Variants in KCNAB1 observed in about 807,000 individuals in gnomAD.
KCNAB1 encodes voltage-gated potassium channel subunit beta-1.
KCNAB1 carries 35 observed loss-of-function variants against 64.6 expected under a neutral mutation model. The observed-to-expected ratio is 0.54, with a 90% CI of 0.41 to 0.72. The LOEUF is 0.72. Among genes scored for constraint, KCNAB1 ranks in the 30% least tolerant of loss-of-function variants. The pLI is 0.00. For synonymous variants in KCNAB1, 177 were observed against 183.8 expected (o/e 0.96, Z 0.30); for missense variants, 401 against 512.9 (o/e 0.78, Z 2.11).
At chr3:156,126,030 G>A (rs1713636868) in intron 1 of KCNAB1, among the ~76,000 whole-genome samples, 1 of 152,160 alleles carries the variant, frequency 6.6e-6, no homozygotes, top group Non-Finnish European at 1.5e-5. Context: ...TTGCAGCCTA[G>A]GAGTAATTGG....
intron 1 of KCNAB1, among the ~76,000 whole-genome samples, chr3:156,213,166 C>T (rs1003871679): frequency 1.3e-5 from 2 of 151,370 alleles, no homozygotes; most frequent in African/African-American, 4.9e-5. Flanking sequence ...TGCCAGTATT[C>T]TCTTAGTTAC....
At chr3:156,468,039 T>C (rs539995969) in intron 7 of KCNAB1, among the ~76,000 whole-genome samples, 1 of 152,280 alleles carries the variant, frequency 6.6e-6, no homozygotes, top group South Asian at 2.1e-4. Context: ...ATACTAGTGA[T>C]GTTCACTTTT....
intron 1 of KCNAB1, among the ~76,000 whole-genome samples, chr3:156,130,498 GC>G (rs1190763250): frequency 6.6e-6 from 1 of 152,140 alleles, no homozygotes; most frequent in East Asian, 1.9e-4. Flanking sequence ...TGCATGTGAT[GC>G]CTATTTTTAT....
intron 1 of KCNAB1, among the ~76,000 whole-genome samples, chr3:156,319,076 T>G (rs1385759307): frequency 2.0e-5 from 3 of 152,206 alleles, no homozygotes; most frequent in African/African-American, 7.2e-5. Context: ...TTTATAAGAT[T>G]TCAAAGTATA....
chr3:156,411,990 T>C (rs190178316), intron 1 of KCNAB1, among the ~76,000 whole-genome samples: 6 of 152,330 alleles, frequency 3.9e-5, no homozygotes, highest in South Asian at 4.1e-4. Flanking sequence ...CTTAGCCATA[T>C]TGAGTCATGC....
In KCNAB1 at chr3:156,180,047, A is replaced by G. The variant is rs1712703203; in HGVS notation, c.275+59161A>G. Among the ~76,000 whole-genome samples the G allele has an allele frequency of 3.3e-5, 5 of 152,176 alleles. No individual in the cohort carries two copies. In the South Asian group the frequency reaches 1.0e-3, roughly 32 times the overall value. ...GCAGGCTTATTAGCTTGGTACTATT[A>G]TTGCCATCATCCTCCTTCTATAATT... On this transcript the variant is annotated intron_variant, in intron 1 of 13. Coordinates refer to ENST00000490337, the MANE Select transcript of KCNAB1 (RefSeq NM_172160.3).
chr3:156,165,256 C>T lies in KCNAB1; in HGVS notation c.275+44370C>T, dbSNP rs1711508760. Among the ~76,000 whole-genome samples the T allele has an allele frequency of 2.7e-5, 3 of 112,616 alleles. No individual in the cohort carries two copies. In the Admixed American group the frequency reaches 4.0e-4, roughly 15 times the overall value. The allele number at this position is 112,616 out of a possible 152,430, so 73.9% of individuals were successfully genotyped here. A position where few individuals can be genotyped will look rare whatever the true frequency, so the allele number is the denominator to read the frequency against. ...TCCCGCCACTGCACTCCAGCCTGGG[C>T]GACAGAGCGAGACTCCGTCTCAAAA... On this transcript the variant is annotated intron_variant, in intron 1 of 13. Transcript: ENST00000490337.
intron 11 of KCNAB1, among the ~76,000 whole-genome samples, chr3:156,518,469 A>AGAAAG (rs71624595): frequency 3.4e-4 from 51 of 152,206 alleles, no homozygotes; most frequent in African/African-American, 1.2e-3. Flanking sequence ...GAGAAAGAAA[A>AGAAAG]GAAAAGAAAA....
At chr3:156,466,553 A>C (rs1437678022) in intron 7 of KCNAB1, among the ~76,000 whole-genome samples, 2 of 151,884 alleles carry the variant, frequency 1.3e-5, no homozygotes, top group African/African-American at 4.8e-5. Flanking sequence ...TTGGGGTACG[A>C]GTAGTTTTTG....
rs576342757 is a variant in KCNAB1 at position 156,258,639 on chromosome 3, G to A, written c.275+137753G>A. 1.4e-4 allele frequency among the ~76,000 whole-genome samples: 21 copies of A among 152,248 alleles called. No homozygotes were observed. The East Asian group carries it at 2.3e-3, about 17-fold the overall frequency. On this transcript the variant is annotated intron_variant, in intron 1 of 13. Coordinates refer to ENST00000490337, the MANE Select transcript of KCNAB1 (RefSeq NM_172160.3). ...GCCTTTTGAATTTTATGACAGTTAA[G>A]AATTAAGAATGATTACAGGGAAATT...
At chr3:156,127,531 A>G (rs1488863610) in intron 1 of KCNAB1, among the ~76,000 whole-genome samples, 1 of 152,220 alleles carries the variant, frequency 6.6e-6, no homozygotes, top group Non-Finnish European at 1.5e-5. Flanking sequence ...AAAATGTTGG[A>G]CCACTGAATG....
At position 156,536,741 on chromosome 3, in the gene KCNAB1, A is replaced by G. The variant is rs770948259; in HGVS notation, c.1254A>G (p.Arg418=). The change falls in exon 14 of 14, where the codon AGA becomes AGG. Residue 418 remains arginine, a synonymous_variant. Coordinates refer to ENST00000490337, the MANE Select transcript of KCNAB1 (RefSeq NM_172160.3). ...RNKPYSKKDY[R]S ...AGCCCTACAGCAAGAAGGACTATAG[A>G]TCATAAGGCAATGCATGAACCACAG... The G allele has an allele frequency of 1.2e-6, 2 of 1,603,718 alleles. No homozygotes were observed. Among genetic ancestry groups the G allele is most frequent in the South Asian group, 2.2e-5 (2 of 90,884 alleles).
intron 1 of KCNAB1, among the ~76,000 whole-genome samples, chr3:156,252,471 T>G (rs1717886553): frequency 6.6e-6 from 1 of 152,230 alleles, no homozygotes; most frequent in African/African-American, 2.4e-5. Flanking sequence ...GCTAATGGAT[T>G]TGTTTTTGAC....
intron 1 of KCNAB1, among the ~76,000 whole-genome samples, chr3:156,384,219 A>G (rs999200402): frequency 1.3e-5 from 2 of 152,230 alleles, no homozygotes; most frequent in African/African-American, 4.8e-5. Context: ...TGAAACCCAG[A>G]GTGGCTAAAG....
rs79061503 is a variant in KCNAB1, at chr3:156,173,841, G to A, written c.275+52955G>A. 1.1e-4 allele frequency among the ~76,000 whole-genome samples: 17 copies of A among 152,288 alleles called. No individual in the cohort carries two copies. In the South Asian group the frequency reaches 2.5e-3, roughly 22 times the overall value. ...TGAAGCAGATTGCCCTTCCTGATGT[G>A]AGTGGCCATCATCCAATCAGTTGAG... On this transcript the variant is annotated intron_variant, in intron 1 of 13. Coordinates refer to ENST00000490337, the MANE Select transcript of KCNAB1 (RefSeq NM_172160.3).
At chr3:156,332,740 T>C (rs1167258292) in intron 1 of KCNAB1, among the ~76,000 whole-genome samples, 4 of 152,176 alleles carry the variant, frequency 2.6e-5, no homozygotes, top group Non-Finnish European at 5.9e-5. Flanking sequence ...TACAAACCCA[T>C]TGGGTAAAAT....
chr3:156,197,304 G>C (rs1048816277), intron 1 of KCNAB1, among the ~76,000 whole-genome samples: 7 of 152,184 alleles, frequency 4.6e-5, no homozygotes, highest in African/African-American at 1.7e-4. Flanking sequence ...TTTGGTATCA[G>C]GATGATGCTG....
At chr3:156,368,411 G>A (rs562143714) in intron 1 of KCNAB1, among the ~76,000 whole-genome samples, 3 of 152,240 alleles carry the variant, frequency 2.0e-5, no homozygotes, top group East Asian at 1.9e-4. Context: ...TTGTTTAGAG[G>A]AAGTTTCACT....
chr3:156,292,249 A>G, intron 1 of KCNAB1: 1 of 1,138,182 alleles, frequency 8.8e-7, no homozygotes, highest in Non-Finnish European at 1.3e-6. Flanking sequence ...TAGAATTCTC[A>G]GGTGGTTCTA....
Sources: allele counts gnomAD v4.1 joint callset (sites outside exome capture counted in the v4.1 genomes callset), GRCh38; gene constraint gnomAD v4.1.1; transcripts MANE v1.5; gene names NCBI Gene and HGNC (gene_info 2026-07-23, HGNC 2026-07-21).